The following ZNF514 variants were observed in gnomAD, a reference collection of about 807,000 sequenced individuals.
ZNF514 encodes the protein zinc finger protein 514.
Under a neutral mutation model 9.7 loss-of-function variants are expected in ZNF514, and 12 were observed. The ratio of observed to expected loss-of-function variants is 1.24; its 90% CI spans 0.79 to 2.01. The LOEUF is 2.01. ZNF514 is among the 30% of genes most tolerant of loss of function. The pLI, the probability that ZNF514 is intolerant of heterozygous loss-of-function variation, is 0.00. For missense variants in ZNF514, 467 were observed against 465.5 expected (o/e 1.00, Z -0.03); for synonymous variants, 158 against 163.7 (o/e 0.97, Z 0.27).
At chr2:95,127,561 G>A in the ZNF514 span, among the ~76,000 whole-genome samples, 4 of 150,662 alleles carry the variant, frequency 2.7e-5, no homozygotes, top group Middle Eastern at 3.4e-3. Context: ...GTGTTTTTTG[G>A]TTGTTTTGTT....
At chr2:95,140,396 G>T (rs1676808157), downstream of ZNF514, among the ~76,000 whole-genome samples, 1 of 152,150 alleles carries the variant, frequency 6.6e-6, no homozygotes, top group Non-Finnish European at 1.5e-5. Flanking sequence ...GAGGTGGACA[G>T]ATCACTTGAG....
chr2:95,157,408 T>C lies in ZNF514; in HGVS notation c.-64A>G. On this transcript the variant is annotated 5_prime_UTR_variant, in exon 2 of 5. Transcript: ENST00000295208. The stretch of plus-strand genomic sequence containing the variant: ...TTCCCTCTTCTCCTGGGAATCTCTC[T>C]GGAGGAAGAGCAGGATTCTGAGAAG... 2 of 1,289,652 alleles carry C rather than the reference T, an allele frequency of 1.6e-6. No homozygotes were observed. Among genetic ancestry groups the C allele is most frequent in the Non-Finnish European group, 2.0e-6 (2 of 988,750 alleles). The allele number at this position is 1,289,652 out of a possible 1,614,324, so 79.9% of individuals were successfully genotyped here. A position where few individuals can be genotyped will look rare whatever the true frequency, so the allele number is the denominator to read the frequency against.
Position 95,159,709 on chromosome 2 carries a change from C to A in ZNF514, c.-565G>T, listed in dbSNP as rs1229157387. 5.1e-5 allele frequency: 7 copies of A among 137,296 alleles called. No individual in the cohort carries two copies. The highest frequency in any genetic ancestry group is 1.9e-4 in the African/African-American group (7 of 36,730). The allele number at this position is 137,296 out of a possible 1,614,324, so 8.5% of individuals were successfully genotyped here. On this transcript the variant is annotated 5_prime_UTR_variant, in exon 1 of 5. Transcript: ENST00000295208. The stretch of plus-strand genomic sequence containing the variant: ...CCCGCGTCCGCCCCGCGCCAGCCCC[C>A]GCGTCCGCCCCGCGCCAGCCCCCGC...
In ZNF514 at chr2:95,159,368, C is replaced by CT. The variant is rs1673777597; in HGVS notation, c.-225dup. ...GCCCGCGACGCGAGGGCCCAGCGCT[C>CT]TTCAGCTGCCCGGAAACAGCAGGGA... On this transcript the variant is annotated 5_prime_UTR_variant, in exon 1 of 5. Coordinates refer to ENST00000295208, the MANE Select transcript of ZNF514 (RefSeq NM_032788.3). 6.1e-6 allele frequency: 1 copy of CT among 163,240 alleles called. No individual in the cohort carries two copies. The highest frequency in any genetic ancestry group is 1.3e-5 in the Non-Finnish European group (1 of 75,114). 10.1% of individuals were successfully genotyped at this position (163,240 alleles called of 1,614,324 possible). A position where few individuals can be genotyped will look rare whatever the true frequency, so the allele number is the denominator to read the frequency against.
In ZNF514 at chr2:95,145,814, A is replaced by C. The variant is rs1320097364; in HGVS notation, c.*3468T>G. On this transcript the variant is annotated 3_prime_UTR_variant, in exon 5 of 5. Coordinates refer to ENST00000295208, the MANE Select transcript of ZNF514 (RefSeq NM_032788.3). ...CCTCTCACGTACCTTTGCCATGTTAACCATACTCGTCAGTTTGAACCCAGT... is the reference window on the plus strand; with the variant it reads ...CCTCTCACGTACCTTTGCCATGTTACCCATACTCGTCAGTTTGAACCCAGT... 1.3e-5 allele frequency among the ~76,000 whole-genome samples: 2 copies of C among 152,210 alleles called. No individual in the cohort carries two copies. Among genetic ancestry groups the C allele is most frequent in the East Asian group, 3.8e-4 (2 of 5,200 alleles).
At chr2:95,138,136 CA>C in the ZNF514 span, among the ~76,000 whole-genome samples, 1 of 152,202 alleles carries the variant, frequency 6.6e-6, no homozygotes, top group Non-Finnish European at 1.5e-5. Context: ...CTTTTCCTTA[CA>C]AATTACTCAG....
At chr2:95,139,590 G>T in the ZNF514 span, among the ~76,000 whole-genome samples, 1 of 124,276 alleles carries the variant, frequency 8.0e-6, no homozygotes, top group Non-Finnish European at 1.6e-5. Context: ...TATCTTGAAA[G>T]TAAATAACTT....
Position 95,148,002 on chromosome 2 carries a change from G to A in ZNF514, c.*1280C>T, listed in dbSNP as rs1181242389. ...CATTTCAAAAATTCCAAATCTATTA[G>A]CATAAAGATGTAACAAAAATTGCTT... On this transcript the variant is annotated 3_prime_UTR_variant, in exon 5 of 5. Transcript: ENST00000295208. The A allele has an allele frequency of 6.6e-6, 1 of 152,112 alleles. No individual in the cohort carries two copies. Among genetic ancestry groups the A allele is most frequent in the African/African-American group, 2.4e-5 (1 of 41,412 alleles). The allele number at this position is 152,112 out of a possible 1,614,324, so 9.4% of individuals were successfully genotyped here.
At position 95,149,529 on chromosome 2, in the gene ZNF514, C is replaced by T. The variant is rs767903159; in HGVS notation, c.956G>A (p.Arg319Gln). 26 of 1,613,694 alleles carry T rather than the reference C, an allele frequency of 1.6e-5. No homozygotes were observed. Among genetic ancestry groups the T allele is most frequent in the African/African-American group, 1.2e-4 (9 of 74,866 alleles). The change falls in exon 5 of 5, where the codon CGG (arginine) becomes CAG (glutamine). Residue 319 changes from arginine (R) to glutamine (Q), a missense_variant. Coordinates refer to ENST00000295208, the MANE Select transcript of ZNF514 (RefSeq NM_032788.3). The part of the protein sequence containing the change: ...THTGEKPYEC[R>Q]ECGRTFSQSS... ...CTGGCTGAAGGTTCTCCCACATTCC[C>T]GGCATTCATAGGGCTTTTCTCCAGT...
Position 95,149,205 on chromosome 2 carries a change from ATCTC to A in ZNF514, c.*73_*76del. ...TTCCCACATACATTACACCTTTAGGATCTCTCTCTGATATGAATTCTTTAAGTTC... is the reference window on the plus strand; with the variant it reads ...TTCCCACATACATTACACCTTTAGGATCTCTGATATGAATTCTTTAAGTTC... On this transcript the variant is annotated 3_prime_UTR_variant, in exon 5 of 5. Transcript: ENST00000295208. 6.8e-7 allele frequency: 1 copy of A among 1,477,312 alleles called. No individual in the cohort carries two copies. Among genetic ancestry groups the A allele is most frequent in the Non-Finnish European group, 9.1e-7 (1 of 1,103,536 alleles). 91.5% of individuals were successfully genotyped at this position (1,477,312 alleles called of 1,614,324 possible).
At chr2:95,154,518 G>C (rs1673636942) in intron 2 of ZNF514, 1 of 152,254 alleles carries the variant, frequency 6.6e-6, no homozygotes. Flanking sequence ...ACTGTTTGGT[G>C]AAACTATTGC....
Position 95,159,231 on chromosome 2 carries a change from G to T in ZNF514, c.-96+9C>A. 5.1e-6 allele frequency: 1 copy of T among 197,474 alleles called. No homozygotes were observed. Among genetic ancestry groups the T allele is most frequent in the Non-Finnish European group, 1.0e-5 (1 of 97,300 alleles). The allele number at this position is 197,474 out of a possible 1,614,324, so 12.2% of individuals were successfully genotyped here. Reference sequence around the variant, plus strand: ...TCGTGCTCTTCCCTCGCCAAGTCCGGCCTCCTACCCCCGGCTCGGCTCCTC... The same window carrying T: ...TCGTGCTCTTCCCTCGCCAAGTCCGTCCTCCTACCCCCGGCTCGGCTCCTC... On this transcript the variant is annotated intron_variant, in intron 1 of 4. Coordinates refer to ENST00000295208, the MANE Select transcript of ZNF514 (RefSeq NM_032788.3).
chr2:95,137,018 C>T, the ZNF514 span, among the ~76,000 whole-genome samples: 7 of 152,046 alleles, frequency 4.6e-5, no homozygotes, highest in East Asian at 1.9e-4. Flanking sequence ...GAACCCTCTT[C>T]GAAAATGAAC....
chr2:95,135,762 CA>C, the ZNF514 span, among the ~76,000 whole-genome samples: 2 of 151,610 alleles, frequency 1.3e-5, no homozygotes, highest in Admixed American at 6.6e-5. Flanking sequence ...TTGTTCATCA[CA>C]CATGTATAGA....
In ZNF514 at chr2:95,159,205, G is replaced by A. The variant is rs147090558; in HGVS notation, c.-96+35C>T. On this transcript the variant is annotated intron_variant, in intron 1 of 4. Coordinates refer to ENST00000295208, the MANE Select transcript of ZNF514 (RefSeq NM_032788.3). ...CCAGCGCGGCGCACTGCTGCCCGGG[G>A]TCGTGCTCTTCCCTCGCCAAGTCCG... 7.3e-3 allele frequency: 1,770 copies of A among 241,166 alleles called. 10 individuals carry two copies. Among genetic ancestry groups the A allele is most frequent in the Middle Eastern group, 9.8e-3 (5 of 508 alleles). The allele number at this position is 241,166 out of a possible 1,614,324, so 14.9% of individuals were successfully genotyped here.
chr2:95,128,117 G>T, the ZNF514 span, among the ~76,000 whole-genome samples: 3 of 152,194 alleles, frequency 2.0e-5, no homozygotes, highest in East Asian at 1.9e-4. Flanking sequence ...TTAGGGCTGG[G>T]CGTGATGGCT....
At chr2:95,151,959 T>C (rs1673556577) in intron 4 of ZNF514, among the ~76,000 whole-genome samples, 1 of 152,218 alleles carries the variant, frequency 6.6e-6, no homozygotes, top group South Asian at 2.1e-4. Context: ...CTCTCAGGAA[T>C]TTAGCACCAC....
chr2:95,135,972 G>A, the ZNF514 span, among the ~76,000 whole-genome samples: 5 of 151,974 alleles, frequency 3.3e-5, no homozygotes, highest in Admixed American at 3.3e-4. Context: ...GCTGAGGCAG[G>A]AGAATTACTT....
At position 95,152,757 on chromosome 2, in the gene ZNF514, G is replaced by T; in HGVS notation, c.134C>A (p.Ser45Tyr). The T allele has an allele frequency of 1.1e-5, 17 of 1,614,144 alleles. No homozygotes were observed. The highest frequency in any genetic ancestry group is 1.4e-5 in the Non-Finnish European group (17 of 1,180,008). ...RNLAILGLLV[S>Y]KPYVICQLEE... is the part of the protein sequence containing the mutation. ...CAACTGGCAGATCACATATGGTTTG[G>T]ATACTAGAAGGCCTGATGGTAGAGA... is the stretch of plus-strand genomic sequence containing the variant. The change falls in exon 4 of 5, where the codon TCC (serine) becomes TAC (tyrosine). Residue 45 changes from serine (S) to tyrosine (Y), a missense_variant. Ser to Tyr is a moderately radical substitution (Grantham distance 144). Coordinates refer to ENST00000295208, the MANE Select transcript of ZNF514 (RefSeq NM_032788.3).
Sources: allele counts gnomAD v4.1 joint callset (sites outside exome capture counted in the v4.1 genomes callset), GRCh38; gene constraint gnomAD v4.1.1; transcripts MANE v1.5; gene names NCBI Gene and HGNC (gene_info 2026-07-23, HGNC 2026-07-21).